UNC13A: variants seen among roughly 807,000 people sequenced by gnomAD.
The protein encoded by UNC13A is unc-13 homolog A, also known as protein unc-13 homolog A.
UNC13A carries 61 observed loss-of-function variants against 219.7 expected under a neutral mutation model. The ratio of observed to expected loss-of-function variants is 0.28; its 90% confidence interval spans 0.23 to 0.34. The LOEUF (loss-of-function observed/expected upper bound fraction) is 0.34. Ranked by LOEUF, UNC13A falls within the 10% of genes least tolerant of loss-of-function variation. The pLI is 1.00. For missense variants in UNC13A, 1,476 were observed against 2,270.3 expected, an observed-to-expected ratio of 0.65 and a Z score of 7.11; for synonymous variants, 920 against 884.6, an observed-to-expected ratio of 1.04 and a Z score of -0.71.
At chr19:17,686,274 G>A (rs972898475) in intron 1 of UNC13A, among the ~76,000 whole-genome samples, 6 of 121,198 alleles carry the variant, frequency 5.0e-5, no homozygotes, top group Non-Finnish European at 1.0e-4. Flanking sequence ...TCCTGTTTGC[G>A]TCAGAGTTAA....
Position 17,609,977 on chromosome 19 carries a change from T to C in UNC13A, c.4774A>G (p.Asn1592Asp). Reference protein sequence around the residue: ...KRKFATKSKNNSWAPKYNESF... With the variant: ...KRKFATKSKNDSWAPKYNESF... ...TCATTGTACTTGGGAGCCCAGCTAT[T>C]GTTCTTGGATTTGGTCGCAAACTTG... Residue 1592 changes from asparagine (N) to aspartate (D), a missense_variant, in exon 43 of 44, where the codon AAT (asparagine) becomes GAT (aspartate). Coordinates refer to ENST00000519716, the MANE Select transcript of UNC13A (RefSeq NM_001080421.3). 1 of 1,613,970 alleles carries C rather than the reference T, an allele frequency of 6.2e-7. No homozygotes were observed. Among genetic ancestry groups the C allele is most frequent in the Non-Finnish European group, 8.5e-7 (1 of 1,179,892 alleles).
intron 1 of UNC13A, among the ~76,000 whole-genome samples, chr19:17,686,252 C>T (rs1233297659): frequency 4.7e-5 from 7 of 150,032 alleles, no homozygotes; most frequent in African/African-American, 1.7e-4. Flanking sequence ...ATGCCACCCC[C>T]GCAGCCGAGC....
intron 35 of UNC13A, among the ~76,000 whole-genome samples, chr19:17,623,766 C>T (rs2076754762): frequency 2.0e-5 from 3 of 152,102 alleles, no homozygotes; most frequent in Admixed American, 6.5e-5. Flanking sequence ...CTCCGTGGTC[C>T]ACCTGGGAAA....
chr19:17,658,314 T>C (rs925309347), intron 8 of UNC13A, 45 bp from the exon 9 acceptor site: 3 of 1,553,520 alleles, frequency 1.9e-6, no homozygotes, highest in South Asian at 1.2e-5. Flanking sequence ...GAAGAGAGAG[T>C]GCACATGATG....
intron 12 of UNC13A, among the ~76,000 whole-genome samples, chr19:17,650,903 A>G (rs1444984659): frequency 2.0e-5 from 3 of 149,182 alleles, no homozygotes; most frequent in Non-Finnish European, 4.4e-5. Flanking sequence ...AGTAGCTGGG[A>G]CCATAGGTGT....
At chr19:17,643,338 TA>T (rs1293768787) in intron 19 of UNC13A, among the ~76,000 whole-genome samples, 1 of 151,674 alleles carries the variant, frequency 6.6e-6, no homozygotes. Flanking sequence ...TTTTTTATTT[TA>T]TTTTTTTTTG....
chr19:17,676,617 T>C (rs912518716), intron 1 of UNC13A, among the ~76,000 whole-genome samples: 1 of 152,150 alleles, frequency 6.6e-6, no homozygotes, highest in Non-Finnish European at 1.5e-5. Flanking sequence ...CTCCCTTGAT[T>C]GTCCAGCTCA....
chr19:17,632,689 A>T, intron 28 of UNC13A, 93 bp downstream of exon 28: 4 of 1,579,164 alleles, frequency 2.5e-6, no homozygotes, highest in Non-Finnish European at 3.5e-6. Context: ...ATGCCCAGGT[A>T]ACCCTAAGTA....
At chr19:17,678,715 C>T (rs556346089) in intron 1 of UNC13A, among the ~76,000 whole-genome samples, 11 of 151,966 alleles carry the variant, frequency 7.2e-5, no homozygotes, top group Non-Finnish European at 1.6e-4. Flanking sequence ...AGCTTTGGGC[C>T]TGGCTCCTGG....
intron 3 of UNC13A, 73 bp from the exon 4 acceptor site, chr19:17,672,568 C>T (rs776489752): frequency 8.1e-5 from 95 of 1,171,508 alleles, no homozygotes; most frequent in African/African-American, 3.2e-4. Context: ...TTAGTTGATT[C>T]GCCTGAGAAC....
chr19:17,627,540 A>G lies in UNC13A; in HGVS notation c.3889T>C (p.Leu1297=). ...KELQVKLNNV[L]DELSRVFATS... The stretch of plus-strand genomic sequence containing the variant: ...GCAAACACCCGGCTGAGCTCATCCA[A>G]GACGTTATTGAGTTTCACCTGAAGC... Residue 1297 remains leucine (L), a synonymous_variant, in exon 33 of 44, where the codon TTG becomes CTG. Transcript: ENST00000519716. This position sits in a 1 kb window ranked among gnomAD's most constrained non-coding sequence, Gnocchi z 4.7. The G allele has an allele frequency of 6.4e-7, 1 of 1,563,268 alleles. No individual in the cohort carries two copies. The highest frequency in any genetic ancestry group is 8.7e-7 in the Non-Finnish European group (1 of 1,153,154).
chr19:17,657,358 C>A (rs553680512), intron 9 of UNC13A, among the ~76,000 whole-genome samples: 4 of 152,284 alleles, frequency 2.6e-5, no homozygotes, highest in African/African-American at 9.6e-5. Flanking sequence ...CTCCTACCCA[C>A]CCTCTGGTAC....
At position 17,606,129 on chromosome 19, in the gene UNC13A, C is replaced by G; in HGVS notation, c.5037G>C (p.Glu1679Asp). ...TGAGCTTCACGAACTCCTTGGCCAC[C>G]TCGTCGTTGCTGCGCTGCGAGAGGA... ...LRILSQRSND[E>D]VAKEFVKLKS... Residue 1679 changes from glutamate to aspartate, a missense_variant, in exon 44 of 44, where the codon GAG (glutamate) becomes GAC (aspartate). Glu to Asp is a conservative substitution (Grantham distance 45). Coordinates refer to ENST00000519716, the MANE Select transcript of UNC13A (RefSeq NM_001080421.3). The G allele has an allele frequency of 6.9e-6, 11 of 1,593,816 alleles. No homozygotes were observed. Among genetic ancestry groups the G allele is most frequent in the African/African-American group, 1.4e-5 (1 of 73,044 alleles).
At chr19:17,666,743 G>C in intron 6 of UNC13A, 39 bp from the exon 7 acceptor site, 3 of 1,458,514 alleles carry the variant, frequency 2.1e-6, no homozygotes, top group African/African-American at 1.4e-5. Context: ...TTCTCTCAGA[G>C]GGGCCAAAGG....
Position 17,609,922 on chromosome 19 carries a change from A to G in UNC13A, c.4811+18T>C. The G allele has an allele frequency of 6.2e-7, 1 of 1,612,770 alleles. No homozygotes were observed. Among genetic ancestry groups the G allele is most frequent in the Non-Finnish European group, 8.5e-7 (1 of 1,179,816 alleles). On this transcript the variant is annotated intron_variant, in intron 43 of 43. Transcript: ENST00000519716. The stretch of plus-strand genomic sequence containing the variant: ...CCCCTCCCTTGCCCCCATGCTCTTC[A>G]AAGCATCCCAAACTCACAACTGGAA...
intron 1 of UNC13A, among the ~76,000 whole-genome samples, chr19:17,678,340 G>A (rs895702021): frequency 6.6e-6 from 1 of 152,174 alleles, no homozygotes; most frequent in Non-Finnish European, 1.5e-5. Context: ...TTAGCCGGGT[G>A]TGGTGGCACG....
rs1303403344 is a variant in UNC13A at position 17,608,429 on chromosome 19, T to A, written c.4811+1511A>T. Among the ~76,000 whole-genome samples the A allele has an allele frequency of 3.6e-5, 5 of 139,208 alleles. No individual in the cohort carries two copies. In the East Asian group the frequency reaches 5.9e-4, roughly 16 times the overall value. 91.3% of individuals were successfully genotyped at this position (139,208 alleles called of 152,430 possible). On this transcript the variant is annotated intron_variant, in intron 43 of 43. Coordinates refer to ENST00000519716, the MANE Select transcript of UNC13A (RefSeq NM_001080421.3). Reference sequence around the variant, plus strand: ...AATATATAAAAATATATTTATATGATATATATTTATTATATATTATATAAT... The same window carrying A: ...AATATATAAAAATATATTTATATGAAATATATTTATTATATATTATATAAT...
chr19:17,626,976 G>A (rs1028205037), intron 33 of UNC13A, among the ~76,000 whole-genome samples, 191 bp from the exon 34 acceptor site: 3 of 152,134 alleles, frequency 2.0e-5, no homozygotes, highest in Admixed American at 6.5e-5. Context: ...GGCGGATCAC[G>A]AGGTCAAGAG....
rs1568520285 is a variant in UNC13A, at chr19:17,641,565, AT to A, written c.2473-10del. ...ACGAAGTGGAACAGGTTCTGCCACC[AT>A]GGGAGAGAAAGTGTCATGGAGAGTG... On this transcript the variant is annotated splice_polypyrimidine_tract_variant and intron_variant, in intron 20 of 43. Transcript: ENST00000519716. 6.2e-7 allele frequency: 1 copy of A among 1,613,630 alleles called. No individual in the cohort carries two copies. The highest frequency in any genetic ancestry group is 1.1e-5 in the South Asian group (1 of 91,072).
Sources: allele counts gnomAD v4.1 joint callset (sites outside exome capture counted in the v4.1 genomes callset), GRCh38; gene constraint gnomAD v4.1.1; non-coding constraint Gnocchi (gnomAD v3.1); transcripts MANE v1.5; gene names NCBI Gene and HGNC (gene_info 2026-07-23, HGNC 2026-07-21).